The following SLC25A39 variants were observed in gnomAD, a reference collection of about 807,000 sequenced individuals.
SLC25A39 encodes the protein mitochondrial glutathione transporter SLC25A39.
A neutral mutation model predicts 46.6 loss-of-function variants in SLC25A39; 44 were observed. The ratio of observed to expected loss-of-function variants is 0.94; its 90% CI spans 0.74 to 1.21. The LOEUF (loss-of-function observed/expected upper bound fraction) is 1.21, where lower values mean the gene tolerates loss of function less well. Ranked by LOEUF, SLC25A39 falls within the 50% of genes most tolerant of loss-of-function variation. The pLI is 0.00. For synonymous variants in SLC25A39, 218 were observed against 190.6 expected, an observed-to-expected ratio of 1.14 and a Z score of -1.19; for missense variants, 487 against 473.0, an observed-to-expected ratio of 1.03 and a Z score of -0.28.
intron 6 of SLC25A39, 59 bp from the exon 7 acceptor site, chr17:44,321,617 T>C: frequency 6.2e-7 from 1 of 1,608,792 alleles, no homozygotes. Flanking sequence ...TTTTAAAGCA[T>C]CACCTGCCCC....
Position 44,323,531 on chromosome 17 carries a change from G to C in SLC25A39, c.32C>G (p.Pro11Arg). 6.3e-7 allele frequency: 1 copy of C among 1,582,184 alleles called. No homozygotes were observed. The highest frequency in any genetic ancestry group is 8.6e-7 in the Non-Finnish European group (1 of 1,164,278). ...GCCTGAGGCCACCATTTGCTGGAGG[G>C]GGCTGATGCCCGCAGGGTCCTGGTC... MADQDPAGIS[P>R]LQQMVASGTG... The change falls in exon 2 of 12, where the codon CCC (proline) becomes CGC (arginine). Residue 11 changes from proline (P) to arginine (R), a missense_variant. Pro to Arg is a moderately radical substitution (Grantham distance 103). Transcript: ENST00000377095.
rs1383839414 is a variant in SLC25A39, at chr17:44,321,792, G to A, written c.325-25C>T. The A allele has an allele frequency of 2.5e-6, 4 of 1,601,658 alleles. No individual in the cohort carries two copies. In the African/African-American group the frequency reaches 4.0e-5, roughly 16 times the overall value. The stretch of plus-strand genomic sequence containing the variant: ...CCTGGCCAAGCAGGCACCAGCCCAG[G>A]GGAAGAGGAGGGACACAAGTGATGT... On this transcript the variant is annotated intron_variant, in intron 5 of 11. Transcript: ENST00000377095.
At chr17:44,323,434 G>GGCCCCCCCCCCCCCCCCCC in intron 2 of SLC25A39, 44 bp downstream of exon 2, 14 of 1,367,808 alleles carry the variant, frequency 1.0e-5, no homozygotes, top group East Asian at 5.1e-5. Flanking sequence ...TCTCCGGTCT[G>GGCCCCCCCCCCCCCCCCCC]CCCCATCCCC....
At chr17:44,323,434 G>GCGCCCCCCCCCCCCCC in intron 2 of SLC25A39, 44 bp downstream of exon 2, 1 of 1,367,928 alleles carries the variant, frequency 7.3e-7, no homozygotes, top group Non-Finnish European at 1.0e-6. Flanking sequence ...TCTCCGGTCT[G>GCGCCCCCCCCCCCCCC]CCCCATCCCC....
intron 3 of SLC25A39, 56 bp downstream of exon 3, chr17:44,323,228 G>A: frequency 6.3e-7 from 1 of 1,599,690 alleles, no homozygotes; most frequent in Non-Finnish European, 8.6e-7. Flanking sequence ...CAGCCTCTGG[G>A]AGATCTTTCT....
chr17:44,323,512 G>A lies in SLC25A39; in HGVS notation c.51C>T (p.Ala17=), dbSNP rs2048127502. ...AGISPLQQMV[A]SGTGAVVTSL... is the part of the protein sequence containing the mutation. The stretch of plus-strand genomic sequence containing the variant: ...AGGTAACCACAGCCCCGGTGCCTGA[G>A]GCCACCATTTGCTGGAGGGGGCTGA... The change falls in exon 2 of 12, where the codon GCC becomes GCT. Residue 17 remains alanine, a synonymous_variant. Transcript: ENST00000377095. 1 of 1,580,932 alleles carries A rather than the reference G, an allele frequency of 6.3e-7. No homozygotes were observed. The highest frequency in any genetic ancestry group is 8.6e-7 in the Non-Finnish European group (1 of 1,164,630).
intron 1 of SLC25A39, chr17:44,324,050 G>A (rs1299534310): frequency 1.8e-5 from 3 of 170,418 alleles, no homozygotes; most frequent in East Asian, 1.8e-4. Flanking sequence ...CTCCGCCGGG[G>A]AAAACTAAGG....
chr17:44,324,169 G>C (rs966838091), intron 1 of SLC25A39: 2 of 153,222 alleles, frequency 1.3e-5, no homozygotes, highest in African/African-American at 2.4e-5. Context: ...TCCTTCCCTC[G>C]TCCACCTCGC....
Position 44,319,883 on chromosome 17 carries a change from C to A in SLC25A39, c.*118G>T. 1 of 938,214 alleles carries A rather than the reference C, an allele frequency of 1.1e-6. No individual in the cohort carries two copies. The highest frequency in any genetic ancestry group is 1.6e-6 in the Non-Finnish European group (1 of 614,352). The allele number at this position is 938,214 out of a possible 1,614,324, so 58.1% of individuals were successfully genotyped here. On this transcript the variant is annotated 3_prime_UTR_variant, in exon 12 of 12. Transcript: ENST00000377095. Reference sequence around the variant, plus strand: ...ACAGCCCTGCCCTGGAGCTTGTCGCCGGGAGGGAAGGGAAACAAGCCCCCT... The same window carrying A: ...ACAGCCCTGCCCTGGAGCTTGTCGCAGGGAGGGAAGGGAAACAAGCCCCCT...
intron 4 of SLC25A39, 81 bp from the exon 5 acceptor site, chr17:44,322,633 C>T: frequency 6.4e-7 from 1 of 1,571,484 alleles, no homozygotes; most frequent in Non-Finnish European, 8.6e-7. Context: ...CCTGGAAGGC[C>T]AGTAAAGGCC....
rs756230000 is a variant in SLC25A39, at chr17:44,320,620, A to G, written c.801+2T>C. On this transcript the variant is annotated splice_donor_variant, in intron 9 of 11. Transcript: ENST00000377095. LOFTEE classifies it high-confidence loss of function. ...GCCTCACCTCCAGCCCAGTCCACTC[A>G]CCGTCCCTGAGATGCCACCAGCCAC... 1 of 1,613,338 alleles carries G rather than the reference A, an allele frequency of 6.2e-7. No homozygotes were observed. The highest frequency in any genetic ancestry group is 1.1e-5 in the South Asian group (1 of 91,050).
chr17:44,319,803 G>C lies in SLC25A39; in HGVS notation c.*198C>G. On this transcript the variant is annotated 3_prime_UTR_variant, in exon 12 of 12. Transcript: ENST00000377095. ...GGGGTGGGTAAGTGATGATCCCCACGACTGGAGCAGCAGGAAGAAGTTGTG... is the reference window on the plus strand; with the variant it reads ...GGGGTGGGTAAGTGATGATCCCCACCACTGGAGCAGCAGGAAGAAGTTGTG... The C allele has an allele frequency of 1.7e-6, 1 of 579,210 alleles. No homozygotes were observed. Among genetic ancestry groups the C allele is most frequent in the Non-Finnish European group, 3.1e-6 (1 of 324,062 alleles). The allele number at this position is 579,210 out of a possible 1,614,324, so 35.9% of individuals were successfully genotyped here.
In SLC25A39 at chr17:44,319,712, T is replaced by A. The variant is rs536956957; in HGVS notation, c.*289A>T. 7 of 429,710 alleles carry A rather than the reference T, an allele frequency of 1.6e-5. No individual in the cohort carries two copies. The highest frequency in any genetic ancestry group is 1.4e-4 in the Admixed American group (4 of 28,084). 26.6% of individuals were successfully genotyped at this position (429,710 alleles called of 1,614,324 possible). A position where few individuals can be genotyped will look rare whatever the true frequency, so the allele number is the denominator to read the frequency against. ...GAGGGCTTCTTGGTTCCTGGAGACA[T>A]GCCCAGCTACAGCAAACACAGGGAA... On this transcript the variant is annotated 3_prime_UTR_variant, in exon 12 of 12. Transcript: ENST00000377095.
intron 1 of SLC25A39, chr17:44,324,459 G>A (rs2048165360): frequency 6.6e-6 from 1 of 152,264 alleles, no homozygotes. Context: ...GGGGCCCGGA[G>A]AGAAAGAGCA....
In SLC25A39 at chr17:44,321,433, C is replaced by T. The variant is rs781187206; in HGVS notation, c.517+1G>A. 28 of 1,613,554 alleles carry T rather than the reference C, an allele frequency of 1.7e-5. No individual in the cohort carries two copies. The highest frequency in any genetic ancestry group is 2.2e-5 in the East Asian group (1 of 44,886). On this transcript the variant is annotated splice_donor_variant, in intron 7 of 11. Coordinates refer to ENST00000377095, the MANE Select transcript of SLC25A39 (RefSeq NM_001143780.3). LOFTEE classifies it high-confidence loss of function. ...GGTCAAAGGCCCAAGACTATGCTCA[C>T]GGCGGGCCAGCGCGCCAGCCACCAT...
chr17:44,323,607 C>A, intron 1 of SLC25A39, 30 bp from the exon 2 acceptor site: 1 of 1,478,366 alleles, frequency 6.8e-7, no homozygotes, highest in Non-Finnish European at 9.2e-7. Flanking sequence ...CAGACCACAA[C>A]TCCAGGGATG....
In SLC25A39 at chr17:44,321,707, C is replaced by A; in HGVS notation, c.385G>T (p.Ala129Ser). The change falls in exon 6 of 12, where the codon GCC (alanine) becomes TCC (serine). Residue 129 changes from alanine to serine, a missense_variant. Coordinates refer to ENST00000377095, the MANE Select transcript of SLC25A39 (RefSeq NM_001143780.3). ...CAGGACCCGGCTACTCACAGGGTGGCGGGGAGGCCGCTCCAGAGGGTCCTG... is the reference window on the plus strand; with the variant it reads ...CAGGACCCGGCTACTCACAGGGTGGAGGGGAGGCCGCTCCAGAGGGTCCTG... ...GTRTLWSGLP[A>S]TLVMTVPATA... is the part of the protein sequence containing the mutation. 2 of 1,611,636 alleles carry A rather than the reference C, an allele frequency of 1.2e-6. No homozygotes were observed. Among genetic ancestry groups the A allele is most frequent in the Non-Finnish European group, 1.7e-6 (2 of 1,178,460 alleles).
At position 44,320,306 on chromosome 17, in the gene SLC25A39, C is replaced by G; in HGVS notation, c.884-30G>C. On this transcript the variant is annotated intron_variant, in intron 10 of 11. Coordinates refer to ENST00000377095, the MANE Select transcript of SLC25A39 (RefSeq NM_001143780.3). ...AAACGCGAGGCCGGCTCAGTGAGAC[C>G]CCATTCAGGACCCCACCTGTCCCCT... 2.5e-6 allele frequency: 4 copies of G among 1,613,512 alleles called. No homozygotes were observed. The South Asian group carries it at 3.3e-5, about 13-fold the overall frequency.
Position 44,321,459 on chromosome 17 carries a change from G to A in SLC25A39, c.492C>T (p.Pro164=), listed in dbSNP as rs777047585. 4 of 1,613,922 alleles carry A rather than the reference G, an allele frequency of 2.5e-6. No homozygotes were observed. In the Admixed American group the frequency reaches 6.7e-5, roughly 27 times the overall value. The part of the protein sequence containing the change: ...GRALTSDLYA[P]MVAGALARLG... ...GGCGGGCCAGCGCGCCAGCCACCAT[G>A]GGTGCGTAGAGGTCAGAGGTCAGGG... is the stretch of plus-strand genomic sequence containing the variant. Residue 164 remains proline, a synonymous_variant, in exon 7 of 12, where the codon CCC becomes CCT. Transcript: ENST00000377095.
Sources: gnomAD v4.1 joint callset for allele counts on GRCh38, gnomAD v4.1.1 for gene constraint, MANE v1.5 for transcripts, NCBI Gene and HGNC (gene_info 2026-07-23, HGNC 2026-07-21) for gene names.